The following SNX14 variants were observed in gnomAD, a reference collection of about 807,000 sequenced individuals.
The protein encoded by SNX14 is sorting nexin-14.
Under a neutral mutation model 133.8 loss-of-function variants are expected in SNX14, and 93 were observed. The ratio of observed to expected loss-of-function variants is 0.70; its 90% CI spans 0.59 to 0.83. SNX14 has a LOEUF of 0.83. Among genes scored for constraint, SNX14 ranks in the 40% least tolerant of loss-of-function variants. The probability of loss-of-function intolerance (pLI) is 0.00; values close to 1 mark genes in which losing one functional copy is unlikely to be tolerated. For synonymous variants in SNX14, 368 were observed against 365.6 expected (o/e 1.01, Z -0.07); for missense variants, 945 against 1,094.9 (o/e 0.86, Z 1.93).
At chr6:85,588,220 T>A (rs1451237836) in intron 1 of SNX14, among the ~76,000 whole-genome samples, 2 of 151,792 alleles carry the variant, frequency 1.3e-5, no homozygotes, top group African/African-American at 4.8e-5. Flanking sequence ...GAGGTGGAGG[T>A]TGCAGTGAGC....
intron 18 of SNX14, among the ~76,000 whole-genome samples, chr6:85,532,391 A>C (rs769215841): frequency 4.6e-5 from 7 of 152,202 alleles, no homozygotes; most frequent in Non-Finnish European, 1.0e-4. Context: ...AAAAATTATA[A>C]CTAGCTACTC....
At chr6:85,534,702 T>A (rs567672621) in intron 17 of SNX14, among the ~76,000 whole-genome samples, 1 of 152,264 alleles carries the variant, frequency 6.6e-6, no homozygotes, top group South Asian at 2.1e-4. Flanking sequence ...AAAAAATACA[T>A]CTTCTTCCAC....
chr6:85,543,214 C>T lies in SNX14; in HGVS notation c.1357G>A (p.Val453Ile), dbSNP rs1361849016. 6.3e-7 allele frequency: 1 copy of T among 1,589,138 alleles called. No homozygotes were observed. The highest frequency in any genetic ancestry group is 1.2e-5 in the South Asian group (1 of 85,838). ...YEHVLSLLEN[V>I]FTPMFCHSDE... is the part of the protein sequence containing the mutation. ...CTATGGCAGAACATAGGAGTAAATA[C>T]ATTCTCCAAAAGGGAAAGAACATGT... The change falls in exon 14 of 29, where the codon GTA (valine) becomes ATA (isoleucine). Residue 453 changes from valine to isoleucine, a missense_variant. Val to Ile is a conservative substitution (Grantham distance 29). Around this residue, in one of 3 missense-constraint regions of SNX14, gnomAD observed 514 missense variants for 538.8 expected, o/e 0.95. Transcript: ENST00000314673.
Position 85,549,988 on chromosome 6 carries a change from T to C in SNX14, c.635-109A>G, listed in dbSNP as rs566056264. 1.3e-3 allele frequency: 1,221 copies of C among 922,822 alleles called. 16 individuals carry two copies. The South Asian group carries it at 0.015, about 12-fold the overall frequency. The allele number at this position is 922,822 out of a possible 1,614,324, so 57.2% of individuals were successfully genotyped here. On this transcript the variant is annotated intron_variant, in intron 7 of 28. Coordinates refer to ENST00000314673, the MANE Select transcript of SNX14 (RefSeq NM_153816.6). The stretch of plus-strand genomic sequence containing the variant: ...TGGGCTGGGCGTGGTGGCTCATGCC[T>C]GTAATCCCAGCATTTTGTGAGGCCG...
At chr6:85,564,351 T>A (rs1216211574) in intron 6 of SNX14, among the ~76,000 whole-genome samples, 2 of 152,318 alleles carry the variant, frequency 1.3e-5, no homozygotes, top group East Asian at 1.9e-4. Context: ...CGCCACACTG[T>A]CTTCCACAAT....
chr6:85,538,269 G>GT (rs5877939), intron 16 of SNX14, among the ~76,000 whole-genome samples: 7,427 of 151,714 alleles, frequency 0.049, 259 homozygotes, highest in Non-Finnish European at 0.075. Flanking sequence ...TACAATTAGG[G>GT]TTTTTTTTAA....
Position 85,543,142 on chromosome 6 carries a change from TG to T in SNX14, c.1389+39del, listed in dbSNP as rs749599210. 2.1e-6 allele frequency: 3 copies of T among 1,453,394 alleles called. No homozygotes were observed. The East Asian group carries it at 7.6e-5, about 37-fold the overall frequency. 90.0% of individuals were successfully genotyped at this position (1,453,394 alleles called of 1,614,324 possible). On this transcript the variant is annotated intron_variant, in intron 14 of 28. Coordinates refer to ENST00000314673, the MANE Select transcript of SNX14 (RefSeq NM_153816.6). ...TGATATCAAAGCTACTATTAAATTA[TG>T]TATAAAAATCCTCAAACAAGGTTAA... is the stretch of plus-strand genomic sequence containing the variant.
At chr6:85,537,692 T>G (rs1021632508) in intron 16 of SNX14, among the ~76,000 whole-genome samples, 1 of 152,226 alleles carries the variant, frequency 6.6e-6, no homozygotes, top group African/African-American at 2.4e-5. Context: ...CTCACACTTG[T>G]AATCCCAGCA....
chr6:85,542,508 C>T (rs1432961576), intron 14 of SNX14, among the ~76,000 whole-genome samples: 3 of 152,100 alleles, frequency 2.0e-5, no homozygotes, highest in African/African-American at 7.2e-5. Flanking sequence ...CATTCTCCTG[C>T]CTCAGCCTCC....
chr6:85,550,536 C>A (rs1408332232), intron 7 of SNX14, among the ~76,000 whole-genome samples: 1 of 152,098 alleles, frequency 6.6e-6, no homozygotes, highest in East Asian at 1.9e-4. Context: ...CGCTCCGTCA[C>A]CCAGGCTGGA....
At chr6:85,569,941 C>A (rs955729300) in intron 4 of SNX14, among the ~76,000 whole-genome samples, 8 of 152,176 alleles carry the variant, frequency 5.3e-5, no homozygotes, top group Non-Finnish European at 1.0e-4. Context: ...TTGTTTCAAG[C>A]CTCTCTTTCC....
chr6:85,537,832 C>A (rs765787997), intron 16 of SNX14, among the ~76,000 whole-genome samples: 1 of 152,096 alleles, frequency 6.6e-6, no homozygotes, highest in Non-Finnish European at 1.5e-5. Context: ...ACCTGTAATC[C>A]CAGCTACTAG....
intron 2 of SNX14, among the ~76,000 whole-genome samples, chr6:85,572,677 C>T (rs1485058579): frequency 6.6e-6 from 1 of 152,156 alleles, no homozygotes; most frequent in Non-Finnish European, 1.5e-5. Flanking sequence ...GATAATTTGG[C>T]CAAGCACAGT....
rs370117729 is a variant in SNX14 at position 85,536,954 on chromosome 6, C to A, written c.1476-30G>T. The A allele has an allele frequency of 3.8e-6, 6 of 1,593,034 alleles. No individual in the cohort carries two copies. In the African/African-American group the frequency reaches 6.8e-5, roughly 18 times the overall value. On this transcript the variant is annotated intron_variant, in intron 16 of 28. Transcript: ENST00000314673. ...ATATTAAACAAAAATGTATCAAGTACATAGCAAATTATCACAACAGTCTAG... is the reference window on the plus strand; with the variant it reads ...ATATTAAACAAAAATGTATCAAGTAAATAGCAAATTATCACAACAGTCTAG...
At chr6:85,558,243 T>G (rs568194800) in intron 6 of SNX14, among the ~76,000 whole-genome samples, 183 bp from the exon 7 acceptor site, 20 of 152,312 alleles carry the variant, frequency 1.3e-4, no homozygotes, top group African/African-American at 4.6e-4. Flanking sequence ...TTACCCACAG[T>G]ACTGAAAATT....
intron 26 of SNX14, among the ~76,000 whole-genome samples, chr6:85,509,602 T>C (rs1772051896): frequency 6.6e-6 from 1 of 152,174 alleles, no homozygotes; most frequent in African/African-American, 2.4e-5. Context: ...GTTCCCTGTC[T>C]TGTCTCCCCG....
intron 11 of SNX14, 24 bp from the exon 12 acceptor site, chr6:85,547,250 T>C: frequency 5.6e-6 from 9 of 1,612,230 alleles, no homozygotes; most frequent in Non-Finnish European, 7.6e-6. Context: ...AAAGATTAAG[T>C]TTAAGCTATA....
intron 7 of SNX14, among the ~76,000 whole-genome samples, chr6:85,553,153 C>A (rs1788385293): frequency 6.6e-6 from 1 of 152,176 alleles, no homozygotes; most frequent in Non-Finnish European, 1.5e-5. Context: ...TGCTGAAAAT[C>A]CCAGTGTCAG....
intron 26 of SNX14, chr6:85,508,562 A>G (rs1188848237): frequency 4.7e-6 from 1 of 212,952 alleles, no homozygotes; most frequent in African/African-American, 2.4e-5. Flanking sequence ...TCTTAATATC[A>G]GAAAAAAAAA....
Sources: gnomAD v4.1 joint callset for allele counts (sites outside exome capture counted in the v4.1 genomes callset) on GRCh38, gnomAD v4.1.1 for gene constraint, gnomAD v4.1.1 regional missense constraint, MANE v1.5 for transcripts, NCBI Gene and HGNC (gene_info 2026-07-23, HGNC 2026-07-21) for gene names.